The following ARHGEF3 variants were observed in gnomAD, a reference collection of about 807,000 sequenced individuals.
ARHGEF3 encodes the protein 59.8 kDA protein.
A neutral mutation model predicts 63.2 loss-of-function variants in ARHGEF3; 28 were observed. The ratio of observed to expected loss-of-function variants is 0.44; its 90% CI spans 0.33 to 0.61. The LOEUF (loss-of-function observed/expected upper bound fraction) is 0.61. Ranked by LOEUF, ARHGEF3 falls within the 20% of genes least tolerant of loss-of-function variation. ARHGEF3 has a pLI of 0.03. For missense variants in ARHGEF3, 533 were observed against 659.3 expected, an observed-to-expected ratio of 0.81 and a Z score of 2.10; for synonymous variants, 266 against 254.2, an observed-to-expected ratio of 1.05 and a Z score of -0.44.
Position 56,888,818 on chromosome 3 carries a change from G to A in ARHGEF3, c.130-6464C>T, listed in dbSNP as rs1263566865. Among the ~76,000 whole-genome samples, 4 of 152,032 alleles carry A rather than the reference G, an allele frequency of 2.6e-5. No homozygotes were observed. The East Asian group carries it at 7.7e-4, about 29-fold the overall frequency. ...CTTGGGAGGCTGAGGCAGGAGAATCGCTTGAACCTGGGAGACGGAGGTTGC... is the reference window on the plus strand; with the variant it reads ...CTTGGGAGGCTGAGGCAGGAGAATCACTTGAACCTGGGAGACGGAGGTTGC... On this transcript the variant is annotated intron_variant, in intron 3 of 12. Coordinates refer to the ARHGEF3 transcript ENST00000338458.
intron 3 of ARHGEF3, among the ~76,000 whole-genome samples, chr3:56,896,098 CA>C (rs1484287601): frequency 6.6e-6 from 1 of 152,168 alleles, no homozygotes; most frequent in Non-Finnish European, 1.5e-5. Flanking sequence ...CAAAGGAACA[CA>C]GGCCTTTTTC....
intron 1 of ARHGEF3, among the ~76,000 whole-genome samples, chr3:57,066,006 A>C (rs1035906725): frequency 1.3e-5 from 2 of 151,824 alleles, no homozygotes; most frequent in African/African-American, 4.8e-5. Flanking sequence ...ACTTGAGGCC[A>C]GGAGGGCAAC....
At chr3:56,804,335 A>C (rs1278901639), upstream of ARHGEF3, among the ~76,000 whole-genome samples, 1 of 152,200 alleles carries the variant, frequency 6.6e-6, no homozygotes, top group African/African-American at 2.4e-5. Context: ...GATAGTGGGA[A>C]TGGTGATATC....
At chr3:56,915,402 G>A (rs2041961614) in intron 3 of ARHGEF3, among the ~76,000 whole-genome samples, 1 of 152,134 alleles carries the variant, frequency 6.6e-6, no homozygotes, top group African/African-American at 2.4e-5. Context: ...GGCGGTCAAG[G>A]TTGCAGTGAG....
chr3:56,959,885 G>C (rs1212125080), intron 2 of ARHGEF3, among the ~76,000 whole-genome samples: 2 of 152,222 alleles, frequency 1.3e-5, no homozygotes, highest in Non-Finnish European at 2.9e-5. Flanking sequence ...GGCTGAGGCA[G>C]GAGAATCGCT....
intron 4 of ARHGEF3, among the ~76,000 whole-genome samples, chr3:56,820,415 GA>G (rs1191090108): frequency 6.6e-6 from 1 of 152,110 alleles, no homozygotes; most frequent in Non-Finnish European, 1.5e-5. Flanking sequence ...ATCCTGGCTA[GA>G]AAATATTCTG....
At chr3:56,793,262 C>T (rs903119887) in intron 1 of ARHGEF3, among the ~76,000 whole-genome samples, 6 of 151,892 alleles carry the variant, frequency 4.0e-5, no homozygotes, top group Non-Finnish European at 7.4e-5. Flanking sequence ...CTCCGCCTCC[C>T]GGGTTCACGC....
intron 4 of ARHGEF3, among the ~76,000 whole-genome samples, chr3:56,829,591 C>T (rs970465461): frequency 6.6e-6 from 1 of 152,218 alleles, no homozygotes; most frequent in Non-Finnish European, 1.5e-5. Context: ...CGAAGAACAT[C>T]TGCCAACCCC....
At chr3:56,825,114 C>T (rs1028035125) in intron 4 of ARHGEF3, among the ~76,000 whole-genome samples, 2 of 152,250 alleles carry the variant, frequency 1.3e-5, no homozygotes, top group African/African-American at 2.4e-5. Context: ...TCAGTTTCCT[C>T]GCCTATAAAA....
At chr3:57,011,814 A>C (rs981001841) in intron 2 of ARHGEF3, among the ~76,000 whole-genome samples, 3 of 152,156 alleles carry the variant, frequency 2.0e-5, no homozygotes. Flanking sequence ...TGGCTTTTGA[A>C]AGTATTTTAT....
At chr3:56,902,445 C>T (rs2041542840) in intron 3 of ARHGEF3, among the ~76,000 whole-genome samples, 1 of 152,188 alleles carries the variant, frequency 6.6e-6, no homozygotes, top group African/African-American at 2.4e-5. Flanking sequence ...CAGTGGGAGG[C>T]AGGCCCTGCA....
At chr3:56,902,965 G>A (rs1200124166) in intron 3 of ARHGEF3, among the ~76,000 whole-genome samples, 2 of 152,086 alleles carry the variant, frequency 1.3e-5, no homozygotes, top group Non-Finnish European at 2.9e-5. Context: ...AGCTGACTGG[G>A]CAATTTCTGT....
At chr3:57,066,672 A>G (rs1187824705) in intron 1 of ARHGEF3, among the ~76,000 whole-genome samples, 1 of 152,254 alleles carries the variant, frequency 6.6e-6, no homozygotes, top group Non-Finnish European at 1.5e-5. Context: ...TATTTGGTCA[A>G]ACATTCTAGA....
intron 1 of ARHGEF3, among the ~76,000 whole-genome samples, chr3:57,039,658 T>C (rs1704098426): frequency 6.6e-6 from 1 of 152,214 alleles, no homozygotes; most frequent in South Asian, 2.1e-4. Context: ...CTCCTGCCTT[T>C]TCCAGCTTCT....
chr3:56,951,597 C>T (rs545587373), intron 3 of ARHGEF3, among the ~76,000 whole-genome samples: 2 of 151,958 alleles, frequency 1.3e-5, no homozygotes, highest in South Asian at 4.2e-4. Flanking sequence ...TGGGGTGTGC[C>T]TGCACTTTCA....
chr3:57,040,474 C>G (rs1314360366), intron 1 of ARHGEF3, among the ~76,000 whole-genome samples: 2 of 144,522 alleles, frequency 1.4e-5, no homozygotes, highest in Non-Finnish European at 3.0e-5. Flanking sequence ...AAGACTCCGT[C>G]AAAAGAAAAG....
Position 56,916,268 on chromosome 3 carries a change from TGA to T in ARHGEF3, c.130-33916_130-33915del, listed in dbSNP as rs941874471. ...CACCCCACCCGGCTCGGGTGGGAGT[TGA>T]GAGCCGGCCCATCCCAGGCTCAGCA... is the stretch of plus-strand genomic sequence containing the variant. On this transcript the variant is annotated intron_variant, in intron 3 of 12. Coordinates refer to the ARHGEF3 transcript ENST00000338458. 3.3e-6 allele frequency: 5 copies of T among 1,528,386 alleles called. No individual in the cohort carries two copies. In the African/African-American group the frequency reaches 6.9e-5, roughly 21 times the overall value. The allele number at this position is 1,528,386 out of a possible 1,614,324, so 94.7% of individuals were successfully genotyped here.
chr3:56,969,752 C>CAAAAAAAAAAAAAA (rs138504813), intron 2 of ARHGEF3, among the ~76,000 whole-genome samples: 1 of 134,240 alleles, frequency 7.4e-6, no homozygotes. Context: ...GACTCCGTAT[C>CAAAAAAAAAAAAAA]AAAAAAAAAA....
intron 4 of ARHGEF3, among the ~76,000 whole-genome samples, chr3:56,852,326 A>G (rs1474622973): frequency 1.3e-5 from 2 of 152,126 alleles, no homozygotes; most frequent in Non-Finnish European, 2.9e-5. Context: ...GATTTCTTAG[A>G]TGATTTCATC....
Sources: gnomAD v4.1 joint callset for allele counts (sites outside exome capture counted in the v4.1 genomes callset) on GRCh38, gnomAD v4.1.1 for gene constraint, MANE v1.5 for transcripts, NCBI Gene and HGNC (gene_info 2026-07-23, HGNC 2026-07-21) for gene names.